The following HS1BP3 variants were observed in gnomAD, a reference collection of about 807,000 sequenced individuals.
The protein encoded by HS1BP3 is HCLS1 binding protein 3.
Under a neutral mutation model 33.5 loss-of-function variants are expected in HS1BP3, and 32 were observed. That is an observed-to-expected ratio of 0.95 (90% CI 0.72 to 1.28). The LOEUF (loss-of-function observed/expected upper bound fraction) is 1.28. HS1BP3 is among the 50% of genes most tolerant of loss of function. The pLI, the probability that HS1BP3 is intolerant of heterozygous loss-of-function variation, is 0.00. For synonymous variants in HS1BP3, 187 were observed against 209.2 expected, an observed-to-expected ratio of 0.89 and a Z score of 0.92; for missense variants, 486 against 502.3, an observed-to-expected ratio of 0.97 and a Z score of 0.31.
chr2:20,595,945 C>T (rs761412689), intron 3 of HS1BP3, among the ~76,000 whole-genome samples: 7 of 152,330 alleles, frequency 4.6e-5, no homozygotes, highest in African/African-American at 1.2e-4. Flanking sequence ...CAGTTTCCCA[C>T]GTTCTTTCTT....
downstream of HS1BP3, among the ~76,000 whole-genome samples, chr2:20,559,095 T>C (rs1188744665): frequency 6.6e-6 from 1 of 152,152 alleles, no homozygotes; most frequent in East Asian, 1.9e-4. Flanking sequence ...CAGTGGGCCC[T>C]GGAGTGCCTC....
At chr2:20,574,070 G>A (rs1320692353) in intron 5 of HS1BP3, among the ~76,000 whole-genome samples, 1 of 152,232 alleles carries the variant, frequency 6.6e-6, no homozygotes, top group Non-Finnish European at 1.5e-5. Context: ...ACCCAGGGAA[G>A]TGTCATGTTC....
At chr2:20,644,216 G>A (rs570659313) in intron 2 of HS1BP3, among the ~76,000 whole-genome samples, 1 of 152,190 alleles carries the variant, frequency 6.6e-6, no homozygotes, top group South Asian at 2.1e-4. Flanking sequence ...CAACCCTCTT[G>A]AAATTCTCTC....
intron 5 of HS1BP3, among the ~76,000 whole-genome samples, chr2:20,580,711 C>T (rs764916318): frequency 1.3e-5 from 2 of 152,118 alleles, no homozygotes; most frequent in Non-Finnish European, 2.9e-5. Context: ...TTCTCCTTTA[C>T]ACTTATGAGA....
Position 20,624,859 on chromosome 2 carries a change from G to A in HS1BP3, c.657C>T (p.Ala219=), listed in dbSNP as rs140873797. ...GCCGGGGCGAGGGCTTGGCTTTCAC[G>A]GCCACTTTGGGATGTTTCTTGGGCT... ...SKKPKKHPKV[A]VKAKPSPRLT... Residue 219 remains alanine, a synonymous_variant, in exon 5 of 7, where the codon GCC becomes GCT. Transcript: ENST00000304031. 297 of 1,613,574 alleles carry A rather than the reference G, an allele frequency of 1.8e-4. No individual in the cohort carries two copies. Among genetic ancestry groups the A allele is most frequent in the Non-Finnish European group, 2.3e-4 (273 of 1,179,954 alleles).
chr2:20,587,168 T>C (rs567080098), intron 5 of HS1BP3, among the ~76,000 whole-genome samples: 95 of 152,330 alleles, frequency 6.2e-4, no homozygotes, highest in African/African-American at 2.2e-3. Flanking sequence ...CAAGATGTTC[T>C]ACAATAGGTG....
At chr2:20,586,117 CAT>C (rs1693674825) in intron 5 of HS1BP3, 4 of 152,414 alleles carry the variant, frequency 2.6e-5, no homozygotes, top group African/African-American at 7.2e-5. Context: ...TGGCTAAACC[CAT>C]GTGTGTGGAC....
At chr2:20,648,429 C>T (rs532261751) in intron 1 of HS1BP3, among the ~76,000 whole-genome samples, 1 of 152,318 alleles carries the variant, frequency 6.6e-6, no homozygotes, top group African/African-American at 2.4e-5. Flanking sequence ...ATCCTCATTT[C>T]TCCTCTGGTC....
intron 4 of HS1BP3, among the ~76,000 whole-genome samples, chr2:20,631,992 C>T (rs1374881565): frequency 6.6e-6 from 1 of 152,192 alleles, no homozygotes. Flanking sequence ...AAGATTTGAT[C>T]AATAACTGCC....
At chr2:20,583,445 C>T (rs1407395306) in intron 5 of HS1BP3, among the ~76,000 whole-genome samples, 2 of 152,096 alleles carry the variant, frequency 1.3e-5, no homozygotes, top group Non-Finnish European at 2.9e-5. Context: ...AGTTGGTTCT[C>T]ACTATGGGGG....
At chr2:20,589,356 C>T (rs998432858), downstream of HS1BP3, among the ~76,000 whole-genome samples, 95 of 152,320 alleles carry the variant, frequency 6.2e-4, no homozygotes, top group African/African-American at 2.2e-3. Context: ...CTCCAACCTC[C>T]CTCACTCTTG....
At chr2:20,597,241 C>G (rs1693963138) in intron 3 of HS1BP3, among the ~76,000 whole-genome samples, 1 of 152,220 alleles carries the variant, frequency 6.6e-6, no homozygotes, top group Non-Finnish European at 1.5e-5. Flanking sequence ...GACTTTGGAG[C>G]AAAAGGTCAC....
chr2:20,590,465 GC>G (rs1464747014), downstream of HS1BP3, among the ~76,000 whole-genome samples: 1 of 152,196 alleles, frequency 6.6e-6, no homozygotes, highest in East Asian at 1.9e-4. Flanking sequence ...TCTGGGCCCT[GC>G]CTCACCCCCT....
chr2:20,596,142 C>T (rs1220894638), intron 3 of HS1BP3, among the ~76,000 whole-genome samples: 1 of 152,144 alleles, frequency 6.6e-6, no homozygotes, highest in African/African-American at 2.4e-5. Flanking sequence ...ACAACTCTCC[C>T]CTCCTTCCCC....
chr2:20,611,395 C>G lies in HS1BP3; in HGVS notation c.178+12501G>C, dbSNP rs1266393547. ...CCCAAGGGGTAAAGAGAAAGGGATACAGGCCAGCCTGACCATGGGCCGCTG... is the reference window on the plus strand; with the variant it reads ...CCCAAGGGGTAAAGAGAAAGGGATAGAGGCCAGCCTGACCATGGGCCGCTG... On this transcript the variant is annotated intron_variant, in intron 2 of 3. Coordinates refer to the HS1BP3 transcript ENST00000415264. The surrounding 1 kb of genome is among the most constrained non-coding windows in gnomAD (Gnocchi z 4.9). Among the ~76,000 whole-genome samples, 1 of 152,180 alleles carries G rather than the reference C, an allele frequency of 6.6e-6. No individual in the cohort carries two copies. Among genetic ancestry groups the G allele is most frequent in the African/African-American group, 2.4e-5 (1 of 41,438 alleles).
chr2:20,630,465 C>G (rs1232001331), intron 4 of HS1BP3, among the ~76,000 whole-genome samples: 1 of 152,034 alleles, frequency 6.6e-6, no homozygotes, highest in Non-Finnish European at 1.5e-5. Context: ...GATGGAGTCT[C>G]GCTATGTTGC....
chr2:20,593,497 C>T (rs577117275), intron 3 of HS1BP3, among the ~76,000 whole-genome samples: 3 of 152,250 alleles, frequency 2.0e-5, no homozygotes, highest in South Asian at 2.1e-4. Context: ...TCTGAGCTGC[C>T]GGAAGCCTTT....
At chr2:20,554,142 C>T in the HS1BP3 span, among the ~76,000 whole-genome samples, 1 of 152,172 alleles carries the variant, frequency 6.6e-6, no homozygotes, top group African/African-American at 2.4e-5. Flanking sequence ...AGGAACTATG[C>T]CTGCCTTCTC....
chr2:20,570,677 CT>C (rs1693244912), intron 5 of HS1BP3, among the ~76,000 whole-genome samples: 2 of 152,336 alleles, frequency 1.3e-5, no homozygotes, highest in African/African-American at 4.8e-5. Context: ...TTCCCAAGAA[CT>C]GCCCAAGTGA....
Sources: allele counts gnomAD v4.1 joint callset (sites outside exome capture counted in the v4.1 genomes callset), GRCh38; gene constraint gnomAD v4.1.1; non-coding constraint Gnocchi (gnomAD v3.1); transcripts MANE v1.5; gene names NCBI Gene and HGNC (gene_info 2026-07-23, HGNC 2026-07-21).